SPATA16: variants seen among roughly 807,000 people sequenced by gnomAD.
SPATA16 encodes spermatogenesis associated 16, also known as spermatogenesis-associated protein 16.
A neutral mutation model predicts 63.3 loss-of-function variants in SPATA16; 36 were observed. That is an observed-to-expected ratio of 0.57 (90% CI 0.44 to 0.75). The LOEUF (loss-of-function observed/expected upper bound fraction) is 0.75. SPATA16 is among the 30% of genes least tolerant of loss of function. The pLI is 0.00. For synonymous variants in SPATA16, 203 were observed against 216.7 expected (o/e 0.94, Z 0.56); for missense variants, 646 against 679.3 (o/e 0.95, Z 0.54).
Position 172,988,221 on chromosome 3 carries a change from GT to G in SPATA16, c.849-11170del, listed in dbSNP as rs566900490. Among the ~76,000 whole-genome samples, 507 of 152,204 alleles carry G rather than the reference GT, an allele frequency of 3.3e-3. 3 individuals carry two copies. Among genetic ancestry groups the G allele is most frequent in the African/African-American group, 0.012 (494 of 41,516 alleles). On this transcript the variant is annotated intron_variant, in intron 4 of 10. Coordinates refer to ENST00000351008, the MANE Select transcript of SPATA16 (RefSeq NM_031955.6). Reference sequence around the variant, plus strand: ...TTGTCAAGGCAGCCTACAAACATCTGTTTTAAACCAAAGTTTACTGAAATGA... The same window carrying G: ...TTGTCAAGGCAGCCTACAAACATCTGTTTAAACCAAAGTTTACTGAAATGA...
intron 2 of SPATA16, among the ~76,000 whole-genome samples, chr3:173,059,832 C>CTTTTTT (rs201000096): frequency 4.2e-5 from 3 of 71,338 alleles, no homozygotes; most frequent in Non-Finnish European, 8.1e-5. Flanking sequence ...CATTTGGTAG[C>CTTTTTT]TTTTTTTTTT....
intron 6 of SPATA16, among the ~76,000 whole-genome samples, chr3:172,956,442 A>G (rs557424448): frequency 6.6e-6 from 1 of 152,272 alleles, no homozygotes; most frequent in Non-Finnish European, 1.5e-5. Flanking sequence ...TAGATTTTCT[A>G]GGTTTTATCC....
intron 2 of SPATA16, among the ~76,000 whole-genome samples, chr3:173,106,269 C>T (rs1737620470): frequency 6.6e-6 from 1 of 152,148 alleles, no homozygotes; most frequent in Admixed American, 6.6e-5. Context: ...TTCTTCCCTG[C>T]ATTTACTACC....
intron 8 of SPATA16, among the ~76,000 whole-genome samples, chr3:172,920,482 T>C (rs1341195251): frequency 6.6e-6 from 1 of 152,156 alleles, no homozygotes; most frequent in Non-Finnish European, 1.5e-5. Context: ...TAGAAGAAAA[T>C]TTTACTCACT....
At chr3:173,139,853 C>T (rs35592998) in intron 1 of SPATA16, among the ~76,000 whole-genome samples, 103 of 98,158 alleles carry the variant, frequency 1.0e-3, no homozygotes, top group African/African-American at 3.9e-3. Context: ...GGTGTGGTGG[C>T]GTGTGCTTGT....
chr3:172,941,233 C>A (rs1733141178), intron 6 of SPATA16, among the ~76,000 whole-genome samples: 1 of 152,040 alleles, frequency 6.6e-6, no homozygotes, highest in African/African-American at 2.4e-5. Context: ...ATAAAAGTAA[C>A]AAATGTCCAG....
intron 6 of SPATA16, among the ~76,000 whole-genome samples, chr3:172,952,435 C>T (rs11922264): frequency 0.032 from 4,862 of 152,108 alleles, 252 homozygotes; most frequent in African/African-American, 0.11. Flanking sequence ...AGGAATCTAC[C>T]TTCTTTTGTT....
chr3:173,085,414 T>G (rs1367298424), intron 2 of SPATA16, among the ~76,000 whole-genome samples: 2 of 152,166 alleles, frequency 1.3e-5, no homozygotes, highest in Non-Finnish European at 2.9e-5. Context: ...ATTTTTGGAT[T>G]GAGATGATGG....
At chr3:172,902,052 T>C (rs1407372524) in intron 10 of SPATA16, among the ~76,000 whole-genome samples, 1 of 152,156 alleles carries the variant, frequency 6.6e-6, no homozygotes, top group Non-Finnish European at 1.5e-5. Context: ...GTTTTTATTT[T>C]TGAGAGACGG....
At chr3:172,977,138 T>C (rs1381009190) in intron 4 of SPATA16, 86 bp from the exon 5 acceptor site, 1 of 1,017,950 alleles carries the variant, frequency 9.8e-7, no homozygotes, top group East Asian at 2.4e-5. Context: ...ATACAAATAC[T>C]GAGGAAGATG....
At chr3:173,050,657 C>T (rs937264098) in intron 2 of SPATA16, among the ~76,000 whole-genome samples, 1 of 151,782 alleles carries the variant, frequency 6.6e-6, no homozygotes, top group Admixed American at 6.6e-5. Context: ...TAATAATATA[C>T]AAATGATAAA....
intron 10 of SPATA16, among the ~76,000 whole-genome samples, chr3:172,897,315 T>C (rs1732028258): frequency 6.6e-6 from 1 of 152,150 alleles, no homozygotes; most frequent in Non-Finnish European, 1.5e-5. Context: ...AGCTTTGTGT[T>C]AATCCCTCCA....
At chr3:173,091,053 A>G (rs1737209342) in intron 2 of SPATA16, among the ~76,000 whole-genome samples, 1 of 152,106 alleles carries the variant, frequency 6.6e-6, no homozygotes, top group Non-Finnish European at 1.5e-5. Flanking sequence ...TGGGAAAAAA[A>G]AAGTTGCTCA....
Position 172,889,532 on chromosome 3 carries a change from T to C in SPATA16, c.*38A>G. 6.2e-7 allele frequency: 1 copy of C among 1,612,788 alleles called. No individual in the cohort carries two copies. ...TGGAGTGGATGCCCTTGCCTCTTCT[T>C]CTGGGATATCTTAGTGGTAGTGCCT... On this transcript the variant is annotated 3_prime_UTR_variant, in exon 11 of 11. Coordinates refer to ENST00000351008, the MANE Select transcript of SPATA16 (RefSeq NM_031955.6).
chr3:172,907,896 G>A (rs940395489), intron 10 of SPATA16, among the ~76,000 whole-genome samples: 2 of 152,110 alleles, frequency 1.3e-5, no homozygotes, highest in African/African-American at 4.8e-5. Context: ...GGTTTTACAT[G>A]TGCTATTTTC....
At chr3:173,050,930 C>T (rs9835996) in intron 2 of SPATA16, among the ~76,000 whole-genome samples, 1,546 of 152,230 alleles carry the variant, frequency 0.01, 26 homozygotes, top group African/African-American at 0.033. Context: ...AATCTGACCT[C>T]AGAAGTGTCA....
At chr3:173,055,715 AC>A (rs1736205763) in intron 2 of SPATA16, among the ~76,000 whole-genome samples, 1 of 152,224 alleles carries the variant, frequency 6.6e-6, no homozygotes, top group Admixed American at 6.5e-5. Context: ...ATAAACTTGC[AC>A]AGACATAATA....
intron 4 of SPATA16, among the ~76,000 whole-genome samples, chr3:172,985,547 G>A (rs1734433108): frequency 6.6e-6 from 1 of 152,112 alleles, no homozygotes; most frequent in Non-Finnish European, 1.5e-5. Flanking sequence ...AAAGAACCTT[G>A]CAAATGTTAA....
intron 4 of SPATA16, among the ~76,000 whole-genome samples, chr3:172,977,315 G>A (rs540728194): frequency 7.0e-4 from 106 of 152,154 alleles, no homozygotes; most frequent in Middle Eastern, 3.4e-3. Context: ...TACAGTATAA[G>A]AATATTTAAA....
Sources: allele counts gnomAD v4.1 joint callset (sites outside exome capture counted in the v4.1 genomes callset), GRCh38; gene constraint gnomAD v4.1.1; transcripts MANE v1.5; gene names NCBI Gene and HGNC (gene_info 2026-07-23, HGNC 2026-07-21).